Variants in UBAP2 observed in about 807,000 individuals in gnomAD.
The protein encoded by UBAP2 is ubiquitin associated protein 2.
In UBAP2, 75 loss-of-function variants were observed where a neutral mutation model predicts 139.6. The observed-to-expected ratio is 0.54, with a 90% CI of 0.45 to 0.65. The LOEUF (loss-of-function observed/expected upper bound fraction) is 0.65. Ranked by LOEUF, UBAP2 falls within the 30% of genes least tolerant of loss-of-function variation. UBAP2 has a pLI of 0.00. For synonymous variants in UBAP2, 526 were observed against 526.2 expected (o/e 1.00, Z 0.01); for missense variants, 1,368 against 1,369.6 (o/e 1.00, Z 0.02).
At chr9:34,029,047 T>G (rs541197422) in intron 1 of UBAP2, among the ~76,000 whole-genome samples, 1 of 151,986 alleles carries the variant, frequency 6.6e-6, no homozygotes, top group East Asian at 1.9e-4. Context: ...GCTTAGGAGA[T>G]CAAGGCTGCA....
chr9:34,039,179 CGGGA>C (rs1320684683), intron 1 of UBAP2, among the ~76,000 whole-genome samples: 1 of 151,050 alleles, frequency 6.6e-6, no homozygotes, highest in Non-Finnish European at 1.5e-5. Context: ...CCGCCCCTTC[CGGGA>C]GGGAGGTGGG....
intron 9 of UBAP2, among the ~76,000 whole-genome samples, chr9:33,963,310 G>A (rs1369948142): frequency 1.3e-5 from 2 of 152,128 alleles, no homozygotes; most frequent in Non-Finnish European, 2.9e-5. Context: ...AATACAGAAG[G>A]CAAAGGCTCA....
At chr9:33,965,363 T>C (rs1465306996) in intron 8 of UBAP2, among the ~76,000 whole-genome samples, 1 of 152,228 alleles carries the variant, frequency 6.6e-6, no homozygotes, top group African/African-American at 2.4e-5. Flanking sequence ...TTATCAAATA[T>C]GGATTTTATA....
intron 1 of UBAP2, among the ~76,000 whole-genome samples, chr9:34,039,970 G>A (rs1378200509): frequency 6.6e-6 from 1 of 151,402 alleles, no homozygotes; most frequent in Non-Finnish European, 1.5e-5. Context: ...CCAGCCTGAT[G>A]AACATGGAGA....
intron 2 of UBAP2, among the ~76,000 whole-genome samples, chr9:34,015,966 GC>G (rs1824216692): frequency 6.6e-6 from 1 of 152,162 alleles, no homozygotes; most frequent in Admixed American, 6.6e-5. Context: ...ACTATGCCCA[GC>G]AAAGGCAGCT....
chr9:33,957,320 G>T (rs1378615400), intron 10 of UBAP2, among the ~76,000 whole-genome samples: 1 of 151,920 alleles, frequency 6.6e-6, no homozygotes, highest in Non-Finnish European at 1.5e-5. Flanking sequence ...GGCATACATA[G>T]GCCCCCATGA....
Position 33,953,445 on chromosome 9 carries a change from G to C in UBAP2, c.896C>G (p.Pro299Arg). ...SIDLVALLQK[P>R]VPHSQASEAN... Reference sequence around the variant, plus strand: ...TTCTGAGGCTTGACTGTGAGGAACAGGCTTCTGGAGCAAGGCTACCAGATC... The same window carrying C: ...TTCTGAGGCTTGACTGTGAGGAACACGCTTCTGGAGCAAGGCTACCAGATC... Residue 299 changes from proline (P) to arginine (R), a missense_variant, in exon 12 of 29, where the codon CCT (proline) becomes CGT (arginine). Pro to Arg is a moderately radical substitution (Grantham distance 103). Transcript: ENST00000379238. 1 of 1,614,078 alleles carries C rather than the reference G, an allele frequency of 6.2e-7. No individual in the cohort carries two copies. The highest frequency in any genetic ancestry group is 8.5e-7 in the Non-Finnish European group (1 of 1,180,002).
chr9:34,028,563 T>C (rs996153634), intron 1 of UBAP2, among the ~76,000 whole-genome samples: 6 of 151,756 alleles, frequency 4.0e-5, no homozygotes, highest in African/African-American at 1.5e-4. Context: ...GTATTTTTGG[T>C]AGAGATGGGG....
intron 17 of UBAP2, 27 bp downstream of exon 17, chr9:33,935,812 A>C (rs201167519): frequency 6.2e-7 from 1 of 1,613,954 alleles, no homozygotes; most frequent in Admixed American, 1.7e-5. Context: ...ACCAGCCATG[A>C]CAAGAGTAGC....
In UBAP2 at chr9:34,038,143, G is replaced by GA. The variant is rs78650365; in HGVS notation, c.-42+10681dup. ...ATTGCACCACTGCACTCCAGCCTGG[G>GA]AAAAAAAAAAAAAAAAAAAAAAAAA... is the stretch of plus-strand genomic sequence containing the variant. On this transcript the variant is annotated intron_variant, in intron 1 of 28. Coordinates refer to ENST00000379238, the MANE Select transcript of UBAP2 (RefSeq NM_001370062.2). Among the ~76,000 whole-genome samples the GA allele has an allele frequency of 1.6e-3, 199 of 127,160 alleles. 1 individual carries two copies. Among genetic ancestry groups the GA allele is most frequent in the East Asian group, 1.9e-3 (8 of 4,300 alleles). 83.4% of individuals were successfully genotyped at this position (127,160 alleles called of 152,430 possible). A position where few individuals can be genotyped will look rare whatever the true frequency, so the allele number is the denominator to read the frequency against.
intron 18 of UBAP2, 122 bp downstream of exon 18, chr9:33,933,368 A>T: frequency 1.7e-6 from 2 of 1,192,134 alleles, no homozygotes; most frequent in Non-Finnish European, 2.3e-6. Context: ...GTCGTAATGC[A>T]AAAGCCCAGG....
At position 33,926,982 on chromosome 9, in the gene UBAP2, C is replaced by T. The variant is rs752283903; in HGVS notation, c.2463+7G>A. ...TGGGCAGGCCAGGAGTTCCGCCATA[C>T]ACTCACCGGGTAGGCAGGAAGCAGT... On this transcript the variant is annotated splice_region_variant and intron_variant, in intron 21 of 28. Coordinates refer to ENST00000379238, the MANE Select transcript of UBAP2 (RefSeq NM_001370062.2). The T allele has an allele frequency of 8.7e-6, 14 of 1,613,778 alleles. No homozygotes were observed. The highest frequency in any genetic ancestry group is 1.3e-5 in the African/African-American group (1 of 75,052).
chr9:34,041,113 T>C (rs1040486826), intron 1 of UBAP2, among the ~76,000 whole-genome samples: 2 of 151,942 alleles, frequency 1.3e-5, no homozygotes, highest in African/African-American at 2.4e-5. Flanking sequence ...AACAATGAAA[T>C]AGACAACATA....
intron 1 of UBAP2, among the ~76,000 whole-genome samples, chr9:34,042,477 CAA>C (rs10713651): frequency 0.15 from 16,076 of 106,208 alleles, 1,144 homozygotes; most frequent in African/African-American, 0.26. Flanking sequence ...GACTCCGTCT[CAA>C]AAAAAAAAAA....
intron 8 of UBAP2, among the ~76,000 whole-genome samples, chr9:33,965,483 C>T (rs891478094): frequency 2.6e-5 from 4 of 152,146 alleles, no homozygotes; most frequent in African/African-American, 9.7e-5. Flanking sequence ...TTTTATGACT[C>T]AGGCTTATCG....
chr9:34,023,330 C>T (rs1329421330), intron 1 of UBAP2, among the ~76,000 whole-genome samples: 1 of 152,006 alleles, frequency 6.6e-6, no homozygotes, highest in Non-Finnish European at 1.5e-5. Context: ...AAGAAATATA[C>T]TTAACCCATA....
chr9:33,950,347 AG>A (rs1222606862), intron 12 of UBAP2, among the ~76,000 whole-genome samples: 1 of 152,212 alleles, frequency 6.6e-6, no homozygotes, highest in Non-Finnish European at 1.5e-5. Context: ...CTGGGATTAC[AG>A]GCATGAGCCA....
At chr9:34,013,467 GACA>G (rs1488286850) in intron 2 of UBAP2, among the ~76,000 whole-genome samples, 6 of 152,008 alleles carry the variant, frequency 3.9e-5, no homozygotes, top group African/African-American at 1.4e-4. Context: ...CTCCAGCCTG[GACA>G]ACAAGAGCAA....
chr9:33,980,395 C>T, intron 6 of UBAP2, among the ~76,000 whole-genome samples: 1 of 145,154 alleles, frequency 6.9e-6, no homozygotes, highest in Non-Finnish European at 1.5e-5. Flanking sequence ...ACCACACCAG[C>T]TAATCTTTTT....
Sources: allele counts gnomAD v4.1 joint callset (sites outside exome capture counted in the v4.1 genomes callset), GRCh38; gene constraint gnomAD v4.1.1; transcripts MANE v1.5; gene names NCBI Gene and HGNC (gene_info 2026-07-23, HGNC 2026-07-21).